The following ROBO1 variants were observed in gnomAD, a reference collection of about 807,000 sequenced individuals.
The protein encoded by ROBO1 is roundabout guidance receptor 1.
A neutral mutation model predicts 195.9 loss-of-function variants in ROBO1; 149 were observed. That is an observed-to-expected ratio of 0.76 (90% confidence interval 0.67 to 0.87). ROBO1 has a LOEUF of 0.87. ROBO1 is among the 40% of genes least tolerant of loss of function. ROBO1 has a pLI of 0.00. For synonymous variants in ROBO1, 816 were observed against 733.2 expected, an observed-to-expected ratio of 1.11 and a Z score of -1.82; for missense variants, 1,933 against 2,068.3, an observed-to-expected ratio of 0.93 and a Z score of 1.27.
At position 79,251,319 on chromosome 3, in the gene ROBO1, C is replaced by A. The variant is rs118041606; in HGVS notation, c.89-125780G>T. ...CTTCATTGTCTTATTTGCTTGCATG[C>A]AGAAGTAGTACTTTTGGAAATATTT... On this transcript the variant is annotated intron_variant, in intron 2 of 30. Transcript: ENST00000464233. Among the ~76,000 whole-genome samples the A allele has an allele frequency of 2.6e-5, 4 of 152,134 alleles. No homozygotes were observed. The East Asian group carries it at 7.8e-4, about 30-fold the overall frequency.
intron 2 of ROBO1, among the ~76,000 whole-genome samples, chr3:79,365,901 A>T (rs2035961390): frequency 6.7e-6 from 1 of 150,264 alleles, no homozygotes; most frequent in South Asian, 2.1e-4. Flanking sequence ...CGTCTCAAAA[A>T]AAAAAAAAAA....
intron 4 of ROBO1, among the ~76,000 whole-genome samples, chr3:78,757,787 A>G (rs1309892528): frequency 6.6e-6 from 1 of 152,230 alleles, no homozygotes; most frequent in African/African-American, 2.4e-5. Context: ...CCAAGTCTAA[A>G]TAGCATACAC....
chr3:78,732,407 G>GA (rs2082305204), intron 5 of ROBO1, among the ~76,000 whole-genome samples: 4 of 151,602 alleles, frequency 2.6e-5, no homozygotes, highest in Non-Finnish European at 5.9e-5. Context: ...ACTGTCAGCA[G>GA]AAAAAAAACA....
chr3:78,922,120 G>A (rs1046238098), intron 4 of ROBO1, among the ~76,000 whole-genome samples: 2 of 152,008 alleles, frequency 1.3e-5, no homozygotes, highest in Non-Finnish European at 2.9e-5. Context: ...AGGTTTACAT[G>A]GTATTGAAGG....
At chr3:78,693,582 T>C (rs903152485) in intron 8 of ROBO1, among the ~76,000 whole-genome samples, 1 of 152,188 alleles carries the variant, frequency 6.6e-6, no homozygotes, top group Non-Finnish European at 1.5e-5. Flanking sequence ...TTAAATTCTC[T>C]ACTATGATTA....
In ROBO1 at chr3:78,636,037, C is replaced by T. The variant is rs369731967; in HGVS notation, c.3109G>A (p.Val1037Ile). ...QTNLMLPEST[V>I]YGDVDLSNKI... The stretch of plus-strand genomic sequence containing the variant: ...TTACTAAGGTCCACATCACCATAAA[C>T]AGTTGACTCAGGGAGCATCAGATTT... Residue 1037 changes from valine to isoleucine, a missense_variant, in exon 23 of 31, where the codon GTT (valine) becomes ATT (isoleucine). By Grantham distance (29) the Val-to-Ile change is conservative. Coordinates refer to ENST00000464233, the MANE Select transcript of ROBO1 (RefSeq NM_002941.4). 8 of 1,613,838 alleles carry T rather than the reference C, an allele frequency of 5.0e-6. No homozygotes were observed. Among genetic ancestry groups the T allele is most frequent in the Non-Finnish European group, 5.9e-6 (7 of 1,179,810 alleles).
rs572416745 is a variant in ROBO1 at position 79,203,770 on chromosome 3, G to A, written c.89-78231C>T. ...TGCATTGTTTTGTTTTTGCACCAGA[G>A]GTGCAGAGGATTAGGTGAATTACAC... On this transcript the variant is annotated intron_variant, in intron 2 of 30. Coordinates refer to ENST00000464233, the MANE Select transcript of ROBO1 (RefSeq NM_002941.4). 3.3e-5 allele frequency among the ~76,000 whole-genome samples: 5 copies of A among 152,226 alleles called. No homozygotes were observed. The South Asian group carries it at 8.3e-4, about 25-fold the overall frequency.
chr3:79,473,739 C>T (rs537222981), intron 2 of ROBO1, among the ~76,000 whole-genome samples: 1 of 152,100 alleles, frequency 6.6e-6, no homozygotes, highest in Admixed American at 6.6e-5. Context: ...TTTTAAGATA[C>T]AAAGGTTGTT....
intron 2 of ROBO1, among the ~76,000 whole-genome samples, chr3:79,366,539 G>A (rs1364930214): frequency 6.6e-6 from 1 of 151,984 alleles, no homozygotes; most frequent in Non-Finnish European, 1.5e-5. Flanking sequence ...GTGCTCTCTT[G>A]GCAAGAGAGC....
intron 1 of ROBO1, among the ~76,000 whole-genome samples, chr3:79,590,601 T>A (rs1382890497): frequency 2.0e-5 from 3 of 151,744 alleles, no homozygotes; most frequent in African/African-American, 7.3e-5. Context: ...TACAAAAATA[T>A]ATGCAGGTGA....
At position 79,756,831 on chromosome 3, in the gene ROBO1, C is replaced by A. The variant is rs72903649; in HGVS notation, c.-51+10921G>T. ...TTTCCATCTCTCCCTCCTCTTAATC[C>A]CTGCTGACCACCATTCTACTTTGTA... On this transcript the variant is annotated intron_variant, in intron 1 of 30. Coordinates refer to ENST00000464233, the MANE Select transcript of ROBO1 (RefSeq NM_002941.4). Among the ~76,000 whole-genome samples, 1,102 of 152,180 alleles carry A rather than the reference C, an allele frequency of 7.2e-3. 11 individuals carry two copies. The highest frequency in any genetic ancestry group is 0.025 in the African/African-American group (1,034 of 41,500).
chr3:78,662,179 G>A, intron 14 of ROBO1, 65 bp from the exon 15 acceptor site: 1 of 1,483,430 alleles, frequency 6.7e-7, no homozygotes. Context: ...TGAAAGCATG[G>A]TGAAACAAAC....
intron 4 of ROBO1, among the ~76,000 whole-genome samples, chr3:78,923,266 T>G (rs1218356007): frequency 6.6e-6 from 1 of 152,124 alleles, no homozygotes; most frequent in Non-Finnish European, 1.5e-5. Context: ...TCAGCAGTTA[T>G]TAGGAGTTAC....
intron 3 of ROBO1, among the ~76,000 whole-genome samples, chr3:79,030,569 A>G (rs1223607978): frequency 1.3e-5 from 2 of 152,156 alleles, no homozygotes; most frequent in Non-Finnish European, 2.9e-5. Flanking sequence ...ACTATATGGG[A>G]GAGTACTGTA....
chr3:79,023,060 C>T (rs1335654733), intron 3 of ROBO1, among the ~76,000 whole-genome samples: 1 of 152,102 alleles, frequency 6.6e-6, no homozygotes, highest in Non-Finnish European at 1.5e-5. Context: ...AACTATAATA[C>T]AAACCAGAAC....
intron 21 of ROBO1, among the ~76,000 whole-genome samples, chr3:78,640,395 T>C (rs1339742423): frequency 6.6e-6 from 1 of 152,204 alleles, no homozygotes; most frequent in African/African-American, 2.4e-5. Context: ...AAACCATGTT[T>C]CATACTTAAT....
intron 8 of ROBO1, among the ~76,000 whole-genome samples, chr3:78,689,602 C>T: frequency 6.6e-6 from 1 of 151,810 alleles, no homozygotes; most frequent in Non-Finnish European, 1.5e-5. Context: ...GTCTTTTTAC[C>T]TACTGTTTAC....
chr3:79,598,443 C>T (rs1344305372), intron 1 of ROBO1, among the ~76,000 whole-genome samples: 10 of 152,054 alleles, frequency 6.6e-5, no homozygotes, highest in Non-Finnish European at 1.2e-4. Context: ...TTGTACATTT[C>T]ACTGTGTTTA....
At chr3:79,379,901 C>G (rs957921600) in intron 2 of ROBO1, among the ~76,000 whole-genome samples, 2 of 152,142 alleles carry the variant, frequency 1.3e-5, no homozygotes, top group Non-Finnish European at 2.9e-5. Flanking sequence ...AGCAAGCACT[C>G]AAGGTGATTT....
Sources: allele counts gnomAD v4.1 joint callset (sites outside exome capture counted in the v4.1 genomes callset), GRCh38; gene constraint gnomAD v4.1.1; transcripts MANE v1.5; gene names NCBI Gene and HGNC (gene_info 2026-07-23, HGNC 2026-07-21).